The following ST14 variants were observed in gnomAD, a reference collection of about 807,000 sequenced individuals.
The protein encoded by ST14 is ST14 transmembrane serine protease matriptase, also known as suppressor of tumorigenicity 14 protein.
A neutral mutation model predicts 96.5 loss-of-function variants in ST14; 40 were observed. That is an observed-to-expected ratio of 0.41 (90% CI 0.32 to 0.54). The LOEUF (loss-of-function observed/expected upper bound fraction) is 0.54, where lower values mean the gene tolerates loss of function less well. ST14 is among the 20% of genes least tolerant of loss of function. The probability of loss-of-function intolerance (pLI) is 0.17; values close to 1 mark genes in which losing one functional copy is unlikely to be tolerated. For synonymous variants in ST14, 506 were observed against 492.1 expected, an observed-to-expected ratio of 1.03 and a Z score of -0.37; for missense variants, 1,066 against 1,188.9, an observed-to-expected ratio of 0.90 and a Z score of 1.52.
rs757190079 is a variant in ST14, at chr11:130,209,451, C to T, written c.2279C>T (p.Ala760Val). The part of the protein sequence containing the change: ...WGHTQYGGTG[A>V]LILQKGEIRV... Reference sequence around the variant, plus strand: ...CCTGCCCTCTCCCCAGGCACTGGCGCGCTGATCCTGCAAAAGGGTGAGATC... The same window carrying T: ...CCTGCCCTCTCCCCAGGCACTGGCGTGCTGATCCTGCAAAAGGGTGAGATC... Residue 760 changes from alanine to valine, a missense_variant, in exon 18 of 19, where the codon GCG becomes GTG. Physicochemically the swap from Ala to Val is moderately conservative, Grantham distance 64. Coordinates refer to ENST00000278742, the MANE Select transcript of ST14 (RefSeq NM_021978.4). The T allele has an allele frequency of 4.4e-6, 7 of 1,583,464 alleles. No individual in the cohort carries two copies. In the East Asian group the frequency reaches 1.1e-4, roughly 26 times the overall value.
chr11:130,207,363 T>A (rs1038173790), intron 16 of ST14, among the ~76,000 whole-genome samples: 1 of 152,064 alleles, frequency 6.6e-6, no homozygotes, highest in African/African-American at 2.4e-5. Flanking sequence ...CCAGCTTGGC[T>A]AACATGGCGA....
intron 16 of ST14, among the ~76,000 whole-genome samples, chr11:130,205,004 A>G (rs1953471670): frequency 6.6e-6 from 1 of 152,184 alleles, no homozygotes; most frequent in African/African-American, 2.4e-5. Context: ...GCGGGTCTTC[A>G]TGCCTTTCTC....
intron 1 of ST14, among the ~76,000 whole-genome samples, chr11:130,182,297 C>CT (rs1313507888): frequency 1.3e-5 from 2 of 151,826 alleles, no homozygotes; most frequent in Non-Finnish European, 2.9e-5. Context: ...CATTACATTT[C>CT]TTTTTTTCTT....
chr11:130,196,724 G>C (rs771792361), intron 11 of ST14, 24 bp downstream of exon 11: 2 of 1,614,172 alleles, frequency 1.2e-6, no homozygotes, highest in Non-Finnish European at 1.7e-6. Context: ...GTTGGGAGGA[G>C]GGCTGGCGGG....
At chr11:130,170,144 G>A (rs530341051) in intron 1 of ST14, among the ~76,000 whole-genome samples, 1 of 152,296 alleles carries the variant, frequency 6.6e-6, no homozygotes, top group East Asian at 1.9e-4. Flanking sequence ...GAGAGATCCG[G>A]CAAAGTCGAA....
chr11:130,162,023 C>T (rs988861351), intron 1 of ST14, among the ~76,000 whole-genome samples: 2 of 152,200 alleles, frequency 1.3e-5, no homozygotes, highest in African/African-American at 2.4e-5. Flanking sequence ...TGTGTGTTTG[C>T]AGCTAGGATG....
intron 1 of ST14, among the ~76,000 whole-genome samples, chr11:130,177,341 G>A (rs1953148952): frequency 6.6e-6 from 1 of 151,786 alleles, no homozygotes; most frequent in Non-Finnish European, 1.5e-5. Flanking sequence ...GAGGTGGGCA[G>A]ATCACGAGTT....
At chr11:130,172,092 CTT>C (rs758342949) in intron 1 of ST14, among the ~76,000 whole-genome samples, 3 of 151,828 alleles carry the variant, frequency 2.0e-5, no homozygotes, top group Non-Finnish European at 4.4e-5. Flanking sequence ...GCTCTTTTCT[CTT>C]GTTTTGTTTT....
In ST14 at chr11:130,196,628, C is replaced by T. The variant is rs139564261; in HGVS notation, c.1282C>T (p.Arg428Cys). 84 of 1,613,570 alleles carry T rather than the reference C, an allele frequency of 5.2e-5. No individual in the cohort carries two copies. In the African/African-American group the frequency reaches 9.2e-4, roughly 18 times the overall value. Residue 428 changes from arginine (R) to cysteine (C), a missense_variant, in exon 11 of 19, where the codon CGC becomes TGC. Transcript: ENST00000278742. The stretch of plus-strand genomic sequence containing the variant: ...CAGCAACAGCAACAAGATCACAGTT[C>T]GCTTCCACTCAGATCAGTCCTACAC... ...VTSNSNKITVRFHSDQSYTDT... is the reference protein window; with the variant it reads ...VTSNSNKITVCFHSDQSYTDT...
intron 1 of ST14, among the ~76,000 whole-genome samples, chr11:130,176,607 C>G (rs1306581015): frequency 6.6e-6 from 1 of 151,880 alleles, no homozygotes; most frequent in Non-Finnish European, 1.5e-5. Context: ...CCAGGATAGT[C>G]TCGATCTCCT....
At chr11:130,191,344 G>GTTGGTC (rs1953297270) in intron 7 of ST14, among the ~76,000 whole-genome samples, 1 of 151,516 alleles carries the variant, frequency 6.6e-6, no homozygotes, top group African/African-American at 2.4e-5. Flanking sequence ...GCCACATGAG[G>GTTGGTC]AAACACCAGG....
rs769747514 is a variant in ST14 at position 130,198,651 on chromosome 11, G to A, written c.1684+30G>A. The A allele has an allele frequency of 1.9e-6, 3 of 1,599,024 alleles. No homozygotes were observed. In the South Asian group the frequency reaches 3.3e-5, roughly 18 times the overall value. On this transcript the variant is annotated intron_variant, in intron 14 of 18. Coordinates refer to ENST00000278742, the MANE Select transcript of ST14 (RefSeq NM_021978.4). ...GGCCCGCCCCACCCATCTTCCTGTT[G>A]GGGGCCTCGCCCCTGGAGGAGGCTG...
chr11:130,196,496 A>AG, intron 10 of ST14, 48 bp downstream of exon 10: 1 of 1,573,674 alleles, frequency 6.4e-7, no homozygotes, highest in Non-Finnish European at 8.7e-7. Context: ...CTGCAGGGGG[A>AG]GGGGTCCCAC....
At chr11:130,199,807 C>A in intron 15 of ST14, 144 bp from the exon 16 acceptor site, 2 of 938,014 alleles carry the variant, frequency 2.1e-6, no homozygotes, top group South Asian at 1.4e-5. Context: ...GGGGGTCCCT[C>A]ACGCCCTGGC....
intron 1 of ST14, among the ~76,000 whole-genome samples, chr11:130,168,458 G>A (rs775186277): frequency 4.6e-5 from 7 of 152,216 alleles, no homozygotes; most frequent in Non-Finnish European, 8.8e-5. Flanking sequence ...CCACTGGAGC[G>A]TCTCCTGAGT....
intron 1 of ST14, among the ~76,000 whole-genome samples, chr11:130,178,893 A>T (rs974543451): frequency 8.5e-5 from 13 of 152,202 alleles, no homozygotes; most frequent in Non-Finnish European, 1.8e-4. Context: ...GTGCTCTCCC[A>T]GGAGGAGCTG....
intron 4 of ST14, 126 bp downstream of exon 4, chr11:130,189,065 G>A: frequency 2.0e-6 from 2 of 1,019,938 alleles, no homozygotes; most frequent in Non-Finnish European, 3.0e-6. Flanking sequence ...GCCAAGGAGG[G>A]TCCTCGCTGT....
chr11:130,201,195 G>A (rs549288525), intron 16 of ST14, among the ~76,000 whole-genome samples: 1 of 152,386 alleles, frequency 6.6e-6, no homozygotes, highest in South Asian at 2.1e-4. Flanking sequence ...ATGCCGGGCT[G>A]CGCTATTTGT....
At position 130,198,972 on chromosome 11, in the gene ST14, C is replaced by T. The variant is rs770672495; in HGVS notation, c.1710C>T (p.His570=). 1.2e-6 allele frequency: 2 copies of T among 1,614,118 alleles called. No homozygotes were observed. Among genetic ancestry groups the T allele is most frequent in the South Asian group, 2.2e-5 (2 of 91,074 alleles). Residue 570 remains histidine, a synonymous_variant, in exon 15 of 19, where the codon CAC becomes CAT. Coordinates refer to ENST00000278742, the MANE Select transcript of ST14 (RefSeq NM_021978.4). ...PKVNVVTCTK[H]TYRCLNGLCL... ...TGAACGTCGTCACTTGTACCAAACA[C>T]ACCTACCGCTGCCTCAATGGGCTCT...
Sources: allele counts gnomAD v4.1 joint callset (sites outside exome capture counted in the v4.1 genomes callset), GRCh38; gene constraint gnomAD v4.1.1; transcripts MANE v1.5; gene names NCBI Gene and HGNC (gene_info 2026-07-23, HGNC 2026-07-21).